Variants in SLC48A1 observed in about 807,000 individuals in gnomAD.
The protein encoded by SLC48A1 is heme transporter HRG1.
SLC48A1 carries 6 observed loss-of-function variants against 14.8 expected under a neutral mutation model. That is an observed-to-expected ratio of 0.41 (90% CI 0.22 to 0.80). The LOEUF (loss-of-function observed/expected upper bound fraction) is 0.80, where lower values mean the gene tolerates loss of function less well. Ranked by LOEUF, SLC48A1 falls within the 30% of genes least tolerant of loss-of-function variation. The pLI is 0.34. For synonymous variants in SLC48A1, 89 were observed against 90.0 expected (o/e 0.99, Z 0.06); for missense variants, 165 against 204.8 (o/e 0.81, Z 1.19).
chr12:47,770,746 G>C, upstream of SLC48A1: 2 of 448,650 alleles, frequency 4.5e-6, no homozygotes, highest in South Asian at 3.1e-5. Flanking sequence ...CAAGGGGAGG[G>C]GGACAGCCTT....
upstream of SLC48A1, chr12:47,758,459 A>T (rs1245513000): frequency 6.3e-7 from 1 of 1,585,538 alleles, no homozygotes; most frequent in African/African-American, 1.3e-5. Flanking sequence ...AGCCCTGACT[A>T]ACCCTCCCTC....
upstream of SLC48A1, among the ~76,000 whole-genome samples, chr12:47,754,237 C>A (rs1302555366): frequency 6.6e-6 from 1 of 152,276 alleles, no homozygotes; most frequent in Non-Finnish European, 1.5e-5. Context: ...ATGCCTATTC[C>A]CATGTTTCCT....
intron 2 of SLC48A1, among the ~76,000 whole-genome samples, chr12:47,760,564 G>A (rs752330608): frequency 5.9e-5 from 9 of 152,034 alleles, no homozygotes; most frequent in Non-Finnish European, 1.2e-4. Flanking sequence ...CTGGGCAGGT[G>A]GAAGATGCTG....
upstream of SLC48A1, among the ~76,000 whole-genome samples, chr12:47,771,891 C>T (rs1942636163): frequency 6.6e-6 from 1 of 151,580 alleles, no homozygotes; most frequent in African/African-American, 2.4e-5. Flanking sequence ...TGAGATCACG[C>T]CACTGCACTC....
At position 47,780,543 on chromosome 12, in the gene SLC48A1, GTTTTC is replaced by G. The variant is rs762537098; in HGVS notation, c.*271_*275del. 1.5e-6 allele frequency: 1 copy of G among 678,280 alleles called. No individual in the cohort carries two copies. The highest frequency in any genetic ancestry group is 1.8e-5 in the African/African-American group (1 of 54,268). The allele number at this position is 678,280 out of a possible 1,614,324, so 42.0% of individuals were successfully genotyped here. A position where few individuals can be genotyped will look rare whatever the true frequency, so the allele number is the denominator to read the frequency against. On this transcript the variant is annotated 3_prime_UTR_variant, in exon 3 of 3. Transcript: ENST00000442218. ...GCTTTAGACCTTTTCAAATGAATCT[GTTTTC>G]TTTTCTTTCTTTTTTTTTTCTTTTT... is the stretch of plus-strand genomic sequence containing the variant.
chr12:47,758,610 C>T (rs1404340975), exon 1 of SLC48A1: 1 of 1,609,690 alleles, frequency 6.2e-7, no homozygotes, highest in African/African-American at 1.3e-5. Flanking sequence ...GCTGGGGGGT[C>T]CCCAGCGACC....
At chr12:47,772,974 C>T (rs1260190745), upstream of SLC48A1, among the ~76,000 whole-genome samples, 4 of 152,254 alleles carry the variant, frequency 2.6e-5, no homozygotes, top group African/African-American at 9.6e-5. Flanking sequence ...CCTCGCGGTT[C>T]GCTCGTATAA....
upstream of SLC48A1, chr12:47,758,123 G>C: frequency 6.5e-7 from 1 of 1,531,772 alleles, no homozygotes; most frequent in African/African-American, 1.4e-5. Flanking sequence ...ACACGACTGG[G>C]GCGGCTGGGC....
At chr12:47,773,800 C>T (rs1029479003) in intron 1 of SLC48A1, among the ~76,000 whole-genome samples, 1 of 149,254 alleles carries the variant, frequency 6.7e-6, no homozygotes, top group African/African-American at 2.4e-5. Flanking sequence ...TGGTCGCCTC[C>T]TATCCCCAAA....
intron 2 of SLC48A1, among the ~76,000 whole-genome samples, chr12:47,762,618 A>C (rs773143436): frequency 6.6e-6 from 1 of 152,226 alleles, no homozygotes; most frequent in Non-Finnish European, 1.5e-5. Flanking sequence ...GTCACTTTAT[A>C]TACATCTTTT....
At chr12:47,758,255 C>A (rs139570113), upstream of SLC48A1, 9 of 1,432,718 alleles carry the variant, frequency 6.3e-6, no homozygotes, top group Non-Finnish European at 4.6e-6. Flanking sequence ...TGGGGCCTGC[C>A]GGTCTGGCGC....
At chr12:47,771,932 C>CA (rs372095423), upstream of SLC48A1, among the ~76,000 whole-genome samples, 1,522 of 124,978 alleles carry the variant, frequency 0.012, 20 homozygotes, top group African/African-American at 0.037. Context: ...GACTCCGTCT[C>CA]AAAAAAAAAA....
chr12:47,757,848 C>G (rs1205042630), upstream of SLC48A1: 2 of 1,545,460 alleles, frequency 1.3e-6, no homozygotes, highest in African/African-American at 2.7e-5. Context: ...GGCACCTGGG[C>G]AGGTGAAAGG....
upstream of SLC48A1, chr12:47,768,936 C>G (rs557687036): frequency 1.3e-5 from 2 of 152,360 alleles, no homozygotes; most frequent in South Asian, 4.1e-4. Context: ...ACTGACACTT[C>G]TCACTCATAT....
At chr12:47,773,634 C>T (rs1007373946) in intron 1 of SLC48A1, among the ~76,000 whole-genome samples, 194 bp downstream of exon 1, 1 of 150,888 alleles carries the variant, frequency 6.6e-6, no homozygotes, top group Non-Finnish European at 1.5e-5. Context: ...CTCTGAGACC[C>T]GATGCCCGCC....
intron 2 of SLC48A1, among the ~76,000 whole-genome samples, chr12:47,779,582 C>A (rs1281498802): frequency 6.6e-6 from 1 of 152,152 alleles, no homozygotes; most frequent in Admixed American, 6.5e-5. Context: ...GTCACAAAAG[C>A]GGAGTGGATG....
At chr12:47,773,079 A>T (rs1942659749), upstream of SLC48A1, 1 of 581,648 alleles carries the variant, frequency 1.7e-6, no homozygotes, top group Non-Finnish European at 2.2e-6. Context: ...GCATTCCCCC[A>T]AACGACACGG....
upstream of SLC48A1, among the ~76,000 whole-genome samples, chr12:47,754,194 T>C (rs1941919841): frequency 1.3e-5 from 2 of 152,284 alleles, no homozygotes; most frequent in Non-Finnish European, 2.9e-5. Flanking sequence ...CCAAAGGCCA[T>C]GCTCTTAGCA....
intron 2 of SLC48A1, 51 bp from the exon 3 acceptor site, chr12:47,780,094 G>A: frequency 6.7e-7 from 1 of 1,485,164 alleles, no homozygotes. Flanking sequence ...CCGGTGCAGA[G>A]GCCGAGGGCA....
Sources: allele counts gnomAD v4.1 joint callset (sites outside exome capture counted in the v4.1 genomes callset), GRCh38; gene constraint gnomAD v4.1.1; transcripts MANE v1.5; gene names NCBI Gene and HGNC (gene_info 2026-07-23, HGNC 2026-07-21).